CCND3: variants seen among roughly 807,000 people sequenced by gnomAD.
CCND3 encodes the protein G1/S-specific cyclin-D3.
Under a neutral mutation model 28.7 loss-of-function variants are expected in CCND3, and 9 were observed. The ratio of observed to expected loss-of-function variants is 0.31; its 90% confidence interval spans 0.19 to 0.55. CCND3 has a LOEUF of 0.55. CCND3 is among the 20% of genes least tolerant of loss of function. The pLI is 0.93. For missense variants in CCND3, 315 were observed against 385.8 expected, an observed-to-expected ratio of 0.82 and a Z score of 1.54; for synonymous variants, 164 against 163.9, an observed-to-expected ratio of 1.00 and a Z score of 0.00.
intron 1 of CCND3, among the ~76,000 whole-genome samples, chr6:41,963,954 C>A (rs895907054): frequency 7.2e-5 from 11 of 152,186 alleles, no homozygotes; most frequent in East Asian, 1.9e-4. Flanking sequence ...CTCTTCCCCC[C>A]ACCTCTAGCA....
rs766207886 is a variant in CCND3, at chr6:42,048,637, C to T, written c.-182G>A. 2 of 518,228 alleles carry T rather than the reference C, an allele frequency of 3.9e-6. No individual in the cohort carries two copies. Among genetic ancestry groups the T allele is most frequent in the South Asian group, 1.4e-5 (1 of 71,426 alleles). The allele number at this position is 518,228 out of a possible 1,614,324, so 32.1% of individuals were successfully genotyped here. On this transcript the variant is annotated 5_prime_UTR_variant, in exon 1 of 5. Transcript: ENST00000372988. This position sits in a 1 kb window ranked among gnomAD's most constrained non-coding sequence, Gnocchi z 4.7. ...AGGAGAGGATTGCACCTCTCCCCCC[C>T]GGCCGGCATCCGAACAGAGCCAGTC...
At chr6:41,992,190 TCTCA>T (rs1332940044) in intron 1 of CCND3, among the ~76,000 whole-genome samples, 1 of 152,170 alleles carries the variant, frequency 6.6e-6, no homozygotes, top group Non-Finnish European at 1.5e-5. Flanking sequence ...TGAGAAGAAG[TCTCA>T]CTCTGTCGCC....
intron 2 of CCND3, 71 bp downstream of exon 2, chr6:41,940,299 T>C: frequency 7.3e-7 from 1 of 1,378,828 alleles, no homozygotes; most frequent in Non-Finnish European, 1.0e-6. Context: ...GCCTCTGATA[T>C]CTCAAGCTTT....
chr6:42,045,191 C>T lies in CCND3; in HGVS notation c.-46+3310G>A, dbSNP rs573629052. On this transcript the variant is annotated intron_variant, in intron 1 of 4. Transcript: ENST00000372988. ...ACTAGCAGCAGCATTTAAAAAAATCCCTTTATATTTCAGCCTCCCTGTCTC... is the reference window on the plus strand; with the variant it reads ...ACTAGCAGCAGCATTTAAAAAAATCTCTTTATATTTCAGCCTCCCTGTCTC... Among the ~76,000 whole-genome samples, 5 of 152,178 alleles carry T rather than the reference C, an allele frequency of 3.3e-5. No homozygotes were observed. The South Asian group carries it at 1.0e-3, about 32-fold the overall frequency.
intron 1 of CCND3, among the ~76,000 whole-genome samples, chr6:41,985,976 G>T (rs73426281): frequency 6.6e-6 from 1 of 151,408 alleles, no homozygotes. Context: ...ATAAAGGTCC[G>T]ATTTCATTCT....
Position 42,048,315 on chromosome 6 carries a change from C to T in CCND3, c.-46+186G>A, listed in dbSNP as rs1764607064. 3.1e-6 allele frequency: 1 copy of T among 319,650 alleles called. No individual in the cohort carries two copies. 19.8% of individuals were successfully genotyped at this position (319,650 alleles called of 1,614,324 possible). ...GAGGGCTCAGGGCCTTTGGGGGTTT[C>T]TCTGCCCTTCAATTCCGTGCAGAAC... On this transcript the variant is annotated intron_variant, in intron 1 of 4. Transcript: ENST00000372988. This position sits in a 1 kb window ranked among gnomAD's most constrained non-coding sequence, Gnocchi z 4.7.
chr6:41,991,684 G>T (rs1393759079), intron 1 of CCND3, among the ~76,000 whole-genome samples: 1 of 152,052 alleles, frequency 6.6e-6, no homozygotes, highest in East Asian at 1.9e-4. Flanking sequence ...TAGAACACTG[G>T]AACTTATTCC....
At chr6:41,949,480 G>A (rs1273990706) in intron 1 of CCND3, among the ~76,000 whole-genome samples, 3 of 152,138 alleles carry the variant, frequency 2.0e-5, no homozygotes, top group Non-Finnish European at 2.9e-5. Flanking sequence ...ACTCCAGCCC[G>A]GGGGACAGAA....
chr6:42,026,676 G>C (rs1300083638), intron 1 of CCND3, among the ~76,000 whole-genome samples: 3 of 152,082 alleles, frequency 2.0e-5, no homozygotes, highest in African/African-American at 7.2e-5. Flanking sequence ...GCTCCACTAT[G>C]TATGTTCCCC....
At chr6:41,984,348 G>T (rs933590741) in intron 1 of CCND3, among the ~76,000 whole-genome samples, 1 of 151,826 alleles carries the variant, frequency 6.6e-6, no homozygotes, top group Non-Finnish European at 1.5e-5. Context: ...CTGTTTTTTT[G>T]TTTGTTTGTT....
chr6:41,980,860 G>A (rs1054487904), intron 1 of CCND3, among the ~76,000 whole-genome samples: 2 of 151,998 alleles, frequency 1.3e-5, no homozygotes, highest in African/African-American at 4.8e-5. Flanking sequence ...ACCAAATTAG[G>A]AATAGAGGGG....
At chr6:41,946,548 C>T (rs933295628), upstream of CCND3, among the ~76,000 whole-genome samples, 2 of 136,324 alleles carry the variant, frequency 1.5e-5, no homozygotes, top group Non-Finnish European at 3.0e-5. Context: ...TTGCAGTGAG[C>T]CCAGATCGCA....
intron 1 of CCND3, among the ~76,000 whole-genome samples, chr6:42,019,235 C>T (rs1763624768): frequency 6.6e-6 from 1 of 152,034 alleles, no homozygotes; most frequent in Non-Finnish European, 1.5e-5. Context: ...CACCTGTAAT[C>T]CCAGCACTTT....
chr6:42,011,015 C>G (rs1215605476), intron 1 of CCND3: 1 of 152,080 alleles, frequency 6.6e-6, no homozygotes, highest in Admixed American at 6.6e-5. Context: ...TCGGTCATTT[C>G]ACAAGGATCC....
intron 1 of CCND3, among the ~76,000 whole-genome samples, chr6:41,992,371 C>A (rs1241432614): frequency 6.6e-6 from 1 of 151,438 alleles, no homozygotes; most frequent in Non-Finnish European, 1.5e-5. Context: ...CCATGTTGGG[C>A]AGGCTGGTCT....
At chr6:41,951,573 C>CAAAAA (rs1489585484) in intron 1 of CCND3, among the ~76,000 whole-genome samples, 10 of 71,258 alleles carry the variant, frequency 1.4e-4, no homozygotes, top group East Asian at 4.7e-4. Context: ...CACACACACA[C>CAAAAA]ACAAAAAAAA....
chr6:41,999,115 C>T (rs955876615), intron 1 of CCND3, among the ~76,000 whole-genome samples: 21 of 152,140 alleles, frequency 1.4e-4, no homozygotes, highest in Admixed American at 2.0e-4. Flanking sequence ...AAGTGGCCAA[C>T]GTAGGATGTA....
In CCND3 at chr6:41,951,568, ACAC is replaced by A. The variant is rs1561958170; in HGVS notation, c.-45-10986_-45-10984del. ...CACACACACACACACACACACACACACACACACAAAAAAAAAGATTAAGTGGGA... is the reference window on the plus strand; with the variant it reads ...CACACACACACACACACACACACACAACACAAAAAAAAAGATTAAGTGGGA... On this transcript the variant is annotated intron_variant, in intron 1 of 4. Coordinates refer to the CCND3 transcript ENST00000372988. 1.3e-3 allele frequency among the ~76,000 whole-genome samples: 134 copies of A among 103,260 alleles called. 7 individuals carry two copies. The highest frequency in any genetic ancestry group is 2.3e-3 in the African/African-American group (66 of 28,344). 67.7% of individuals were successfully genotyped at this position (103,260 alleles called of 152,430 possible).
intron 1 of CCND3, among the ~76,000 whole-genome samples, chr6:41,964,463 AGTGTGTGTGTGAGTGTGTGTGAATGT>A (rs1402488291): frequency 1.4e-5 from 2 of 146,110 alleles, no homozygotes; most frequent in Admixed American, 6.8e-5. Context: ...TCTGTGTGTG[AGTGTGTGTGTGAGTGTGTGTGAATGT>A]GTGTGTGTGA....
Sources: allele counts gnomAD v4.1 joint callset (sites outside exome capture counted in the v4.1 genomes callset), GRCh38; gene constraint gnomAD v4.1.1; non-coding constraint Gnocchi (gnomAD v3.1); transcripts MANE v1.5; gene names NCBI Gene and HGNC (gene_info 2026-07-23, HGNC 2026-07-21).